Variants in FRMPD4 observed in about 807,000 individuals in gnomAD.
FRMPD4 encodes FERM and PDZ domain containing 4.
In FRMPD4, 22 loss-of-function variants were observed where a neutral mutation model predicts 94.1. The observed-to-expected ratio is 0.23, with a 90% confidence interval of 0.17 to 0.33. FRMPD4 has a LOEUF of 0.33. Among genes scored for constraint, FRMPD4 ranks in the 10% least tolerant of loss-of-function variants. The pLI is 1.00. For missense variants in FRMPD4, 1,111 were observed against 1,339.9 expected, an observed-to-expected ratio of 0.83 and a Z score of 2.67; for synonymous variants, 631 against 548.6, an observed-to-expected ratio of 1.15 and a Z score of -2.10.
At chrX:12,512,257 A>G (rs1708645027) in intron 2 of FRMPD4, among the ~76,000 whole-genome samples, 1 of 112,507 alleles carries the variant, frequency 8.9e-6, no homozygotes, top group African/African-American at 3.2e-5. Context: ...TGTGTAGGAC[A>G]TGCAGGTTTA....
chrX:12,262,574 A>C (rs2054208105), intron 1 of FRMPD4, among the ~76,000 whole-genome samples: 1 of 112,491 alleles, frequency 8.9e-6, no homozygotes, highest in Non-Finnish European at 1.9e-5. Context: ...AAGCTCAAAA[A>C]AGTTAATATG....
intron 1 of FRMPD4, among the ~76,000 whole-genome samples, chrX:12,413,332 T>C (rs2056758780): frequency 8.9e-6 from 1 of 112,211 alleles, no homozygotes; most frequent in South Asian, 3.8e-4. Flanking sequence ...ATCCATTCTT[T>C]ATTGACTGTT....
At chrX:12,529,170 TC>T (rs2058259213) in intron 2 of FRMPD4, among the ~76,000 whole-genome samples, 1 of 111,951 alleles carries the variant, frequency 8.9e-6, no homozygotes, top group African/African-American at 3.2e-5. Flanking sequence ...GCTTCCAAGC[TC>T]ACTCAGTAGT....
chrX:12,223,897 T>A (rs958961608), intron 1 of FRMPD4, among the ~76,000 whole-genome samples: 4 of 112,280 alleles, frequency 3.6e-5, no homozygotes, highest in African/African-American at 1.3e-4. Context: ...TCTATTTATT[T>A]GTTTTGCAGA....
intron 1 of FRMPD4, among the ~76,000 whole-genome samples, chrX:12,177,144 G>T (rs748567542): frequency 3.6e-4 from 40 of 111,919 alleles, no homozygotes; most frequent in African/African-American, 1.2e-3. Context: ...TGATTATGTG[G>T]AACTTAAAAC....
intron 1 of FRMPD4, among the ~76,000 whole-genome samples, chrX:12,463,425 G>C: frequency 8.9e-6 from 1 of 111,877 alleles, no homozygotes; most frequent in Non-Finnish European, 1.9e-5. Context: ...AACCAGATAT[G>C]TTCCTTTGCA....
At chrX:11,935,255 T>G (rs865984986) in intron 3 of FRMPD4, among the ~76,000 whole-genome samples, 1 of 40,786 alleles carries the variant, frequency 2.5e-5, no homozygotes, top group African/African-American at 9.4e-5. Flanking sequence ...TGTTGTTTTT[T>G]TTTTTTTTAA....
intron 1 of FRMPD4, among the ~76,000 whole-genome samples, chrX:12,148,932 A>G (rs1274318939): frequency 8.9e-6 from 1 of 112,058 alleles, no homozygotes; most frequent in Non-Finnish European, 1.9e-5. Flanking sequence ...CACTGTTGAG[A>G]CTTATATTCA....
At chrX:12,243,515 T>C (rs2053907053) in intron 1 of FRMPD4, among the ~76,000 whole-genome samples, 1 of 111,870 alleles carries the variant, frequency 8.9e-6, no homozygotes, top group African/African-American at 3.2e-5. Flanking sequence ...ATGTCTTATA[T>C]GTTGTTATAG....
intron 3 of FRMPD4, among the ~76,000 whole-genome samples, chrX:11,933,750 G>T (rs2054134973): frequency 8.9e-6 from 1 of 111,830 alleles, no homozygotes; most frequent in South Asian, 3.8e-4. Context: ...TGGCTTTGTG[G>T]GGTTTTTTTT....
intron 1 of FRMPD4, among the ~76,000 whole-genome samples, chrX:11,825,179 ATG>A (rs1275838789): frequency 1.2e-5 from 1 of 84,566 alleles, no homozygotes. Flanking sequence ...GAGCTGCAGG[ATG>A]TGTCTTCTTT....
intron 1 of FRMPD4, among the ~76,000 whole-genome samples, chrX:11,847,455 A>T (rs1292600995): frequency 1.9e-5 from 2 of 107,543 alleles, no homozygotes; most frequent in Non-Finnish European, 3.8e-5. Flanking sequence ...TAGTTCAACC[A>T]TTGTGGAAGT....
chrX:12,165,576 A>G (rs1249389584), intron 1 of FRMPD4, among the ~76,000 whole-genome samples: 1 of 111,871 alleles, frequency 8.9e-6, no homozygotes, highest in Non-Finnish European at 1.9e-5. Flanking sequence ...GCTTTTTCCA[A>G]TTCTGTGAAG....
chrX:12,292,283 G>T (rs945656932), intron 1 of FRMPD4, among the ~76,000 whole-genome samples: 1 of 111,871 alleles, frequency 8.9e-6, no homozygotes, highest in Non-Finnish European at 1.9e-5. Context: ...ATAATAGTAC[G>T]AACTGAAAAG....
At chrX:12,477,710 A>C (rs2057621716) in intron 1 of FRMPD4, among the ~76,000 whole-genome samples, 1 of 112,852 alleles carries the variant, frequency 8.9e-6, no homozygotes, top group South Asian at 3.7e-4. Context: ...TTTCTTGACA[A>C]ATATTTGTTA....
intron 2 of FRMPD4, among the ~76,000 whole-genome samples, chrX:11,866,019 C>G (rs1374654932): frequency 9.0e-6 from 1 of 111,404 alleles, no homozygotes; most frequent in Non-Finnish European, 1.9e-5. Context: ...TGGACAGTAC[C>G]CAGTTTACAA....
intron 3 of FRMPD4, among the ~76,000 whole-genome samples, chrX:12,010,075 A>C (rs755637227): frequency 9.0e-6 from 1 of 111,671 alleles, no homozygotes; most frequent in South Asian, 3.7e-4. Context: ...AAAGCAAATA[A>C]GCACAGAGAG....
At chrX:12,411,439 A>C (rs73632685) in intron 1 of FRMPD4, among the ~76,000 whole-genome samples, 1,932 of 112,185 alleles carry the variant, frequency 0.017, 36 homozygotes, top group African/African-American at 0.06. Context: ...ATCATGATGT[A>C]ATCTTTTGGA....
At chrX:11,987,097 T>TCAAAAAA (rs1569137639) in intron 3 of FRMPD4, among the ~76,000 whole-genome samples, 7 of 14,649 alleles carry the variant, frequency 4.8e-4, no homozygotes, top group African/African-American at 3.3e-3. Flanking sequence ...CAAAGACACA[T>TCAAAAAA]TAAAAAAAAA....
Sources: allele counts gnomAD v4.1 joint callset (sites outside exome capture counted in the v4.1 genomes callset), GRCh38; gene constraint gnomAD v4.1.1; transcripts MANE v1.5; gene names NCBI Gene and HGNC (gene_info 2026-07-23, HGNC 2026-07-21).